HEMK2: variants seen among roughly 807,000 people sequenced by gnomAD.
HEMK2 encodes HemK methyltransferase 2, ETF1 glutamine and histone H4 lysine.
the HEMK2 span, among the ~76,000 whole-genome samples, chr21:28,581,864 G>A: frequency 1.3e-5 from 2 of 152,206 alleles, no homozygotes; most frequent in African/African-American, 4.8e-5. Flanking sequence ...CTGGAATGCA[G>A]TGTGAAGCTT....
chr21:28,730,437 G>A, the HEMK2 span, among the ~76,000 whole-genome samples: 78,892 of 150,970 alleles, frequency 0.52, 22,683 homozygotes, highest in East Asian at 0.78. Context: ...AATTTCTATG[G>A]ATCAGGGATC....
At chr21:28,771,515 A>ACCCCCCCCC in the HEMK2 span, among the ~76,000 whole-genome samples, 1 of 96,882 alleles carries the variant, frequency 1.0e-5, no homozygotes, top group Non-Finnish European at 1.9e-5. Context: ...CACAAGATGC[A>ACCCCCCCCC]CCACCCCCCC....
chr21:28,860,458 T>C, the HEMK2 span, among the ~76,000 whole-genome samples: 1 of 148,404 alleles, frequency 6.7e-6, no homozygotes, highest in Non-Finnish European at 1.5e-5. Context: ...ATATACAAAA[T>C]ATATATATAT....
the HEMK2 span, among the ~76,000 whole-genome samples, chr21:28,694,757 T>C: frequency 0.56 from 84,279 of 151,716 alleles, 26,060 homozygotes; most frequent in East Asian, 0.84. Context: ...TTTGGAAGGC[T>C]GAGGCGGGAG....
the HEMK2 span, among the ~76,000 whole-genome samples, chr21:28,620,126 T>A: frequency 1.3e-5 from 2 of 152,204 alleles, no homozygotes; most frequent in Non-Finnish European, 2.9e-5. Context: ...GCCAACTTGA[T>A]CCTGGTGGAT....
At chr21:28,867,136 G>A in the HEMK2 span, among the ~76,000 whole-genome samples, 1 of 152,144 alleles carries the variant, frequency 6.6e-6, no homozygotes, top group Non-Finnish European at 1.5e-5. Flanking sequence ...TGTACCGTAT[G>A]ATTTAGAAAT....
the HEMK2 span, among the ~76,000 whole-genome samples, chr21:28,824,913 C>T: frequency 6.6e-6 from 1 of 151,382 alleles, no homozygotes; most frequent in African/African-American, 2.4e-5. Flanking sequence ...TTTAATCCCT[C>T]CCAGTTTGCC....
chr21:28,874,506 G>C, the HEMK2 span: 1 of 152,260 alleles, frequency 6.6e-6, no homozygotes, highest in African/African-American at 2.4e-5. Context: ...GGCCAGGTCA[G>C]CCTTGGTGAG....
chr21:28,693,163 T>G, the HEMK2 span, among the ~76,000 whole-genome samples: 2,306 of 152,274 alleles, frequency 0.015, 59 homozygotes, highest in African/African-American at 0.051. Context: ...GAATTATGTC[T>G]CCAGTAAAAA....
the HEMK2 span, among the ~76,000 whole-genome samples, chr21:28,655,305 G>A: frequency 6.6e-6 from 1 of 151,892 alleles, no homozygotes; most frequent in Non-Finnish European, 1.5e-5. Flanking sequence ...GGCAAAAAAT[G>A]AACAAATGAA....
chr21:28,607,929 A>G, the HEMK2 span, among the ~76,000 whole-genome samples: 2 of 152,202 alleles, frequency 1.3e-5, no homozygotes, highest in Admixed American at 1.3e-4. Context: ...TTGCATCTGT[A>G]CAGACCTTGA....
At chr21:28,737,582 C>A in the HEMK2 span, among the ~76,000 whole-genome samples, 1 of 148,336 alleles carries the variant, frequency 6.7e-6, no homozygotes, top group Admixed American at 6.7e-5. Context: ...TTAATTAGTC[C>A]ATAGACTGTT....
the HEMK2 span, among the ~76,000 whole-genome samples, chr21:28,590,174 T>C: frequency 6.6e-6 from 1 of 152,178 alleles, no homozygotes; most frequent in Non-Finnish European, 1.5e-5. Flanking sequence ...AAGATATTGT[T>C]GAAATGTCAA....
chr21:28,844,931 T>C, the HEMK2 span, among the ~76,000 whole-genome samples: 1 of 151,566 alleles, frequency 6.6e-6, no homozygotes, highest in Non-Finnish European at 1.5e-5. Context: ...CAAATATTTG[T>C]TGAAAATTGA....
At chr21:28,694,695 T>G in the HEMK2 span, among the ~76,000 whole-genome samples, 1 of 152,152 alleles carries the variant, frequency 6.6e-6, no homozygotes. Context: ...GAGTAATTAC[T>G]TTTTCAAGAT....
the HEMK2 span, among the ~76,000 whole-genome samples, chr21:28,790,620 T>C: frequency 1.3e-5 from 2 of 152,062 alleles, no homozygotes; most frequent in African/African-American, 4.8e-5. Flanking sequence ...AAGGGATCTA[T>C]CCATAGTCAC....
chr21:28,641,942 C>T, the HEMK2 span, among the ~76,000 whole-genome samples: 1,430 of 152,294 alleles, frequency 9.4e-3, 22 homozygotes, highest in African/African-American at 0.032. Context: ...CCACAAGATT[C>T]AACAATGTCT....
chr21:28,884,795 A>G, the HEMK2 span, among the ~76,000 whole-genome samples: 4 of 152,202 alleles, frequency 2.6e-5, no homozygotes, highest in Admixed American at 6.5e-5. Flanking sequence ...GGTGCTTTCT[A>G]TGTGCTGAGT....
the HEMK2 span, chr21:28,885,135 C>A: frequency 6.9e-7 from 1 of 1,445,450 alleles, no homozygotes; most frequent in Non-Finnish European, 9.2e-7. Flanking sequence ...GTGATAGTCA[C>A]CGTTCCGGCC....
Sources: gnomAD v4.1 joint callset for allele counts (sites outside exome capture counted in the v4.1 genomes callset) on GRCh38, gnomAD v4.1.1 for gene constraint, MANE v1.5 for transcripts, NCBI Gene and HGNC (gene_info 2026-07-23, HGNC 2026-07-21) for gene names.